Variants in GRID2 observed in about 807,000 individuals in gnomAD.
GRID2 encodes glutamate receptor ionotropic, delta-2.
Under a neutral mutation model 114.8 loss-of-function variants are expected in GRID2, and 33 were observed. The ratio of observed to expected loss-of-function variants is 0.29; its 90% CI spans 0.22 to 0.38. The LOEUF (loss-of-function observed/expected upper bound fraction) is 0.38, where lower values mean the gene tolerates loss of function less well. Among genes scored for constraint, GRID2 ranks in the 10% least tolerant of loss-of-function variants. The pLI is 1.00. For missense variants in GRID2, 1,184 were observed against 1,257.7 expected, an observed-to-expected ratio of 0.94 and a Z score of 0.89; for synonymous variants, 505 against 449.9, an observed-to-expected ratio of 1.12 and a Z score of -1.55.
rs184589583 is a variant in GRID2, at chr4:93,541,532, C to T, written c.2193+26121C>T. ...GTGAGAATAAGAATTCTCTCTCTAT[C>T]TTGGTTCCACTTAATTGTAAAAATC... On this transcript the variant is annotated intron_variant, in intron 13 of 15. Transcript: ENST00000282020. Among the ~76,000 whole-genome samples, 46 of 152,218 alleles carry T rather than the reference C, an allele frequency of 3.0e-4. No individual in the cohort carries two copies. In the East Asian group the frequency reaches 8.7e-3, roughly 29 times the overall value.
chr4:93,120,472 A>T (rs972280319), intron 4 of GRID2, among the ~76,000 whole-genome samples: 1 of 152,206 alleles, frequency 6.6e-6, no homozygotes, highest in Non-Finnish European at 1.5e-5. Context: ...AGAAACCATC[A>T]TTCTCAGCAA....
chr4:92,713,515 A>ATATATG (rs1735379540), intron 2 of GRID2, among the ~76,000 whole-genome samples: 2 of 130,052 alleles, frequency 1.5e-5, no homozygotes, highest in African/African-American at 5.9e-5. Flanking sequence ...ATATATATAT[A>ATATATG]TATTACCAAA....
chr4:92,518,665 C>A (rs1055492111), intron 1 of GRID2, among the ~76,000 whole-genome samples: 1 of 151,036 alleles, frequency 6.6e-6, no homozygotes, highest in Non-Finnish European at 1.5e-5. Context: ...TTGAACTGTA[C>A]ATTTAAAAGT....
intron 14 of GRID2, among the ~76,000 whole-genome samples, chr4:93,673,556 TC>T (rs757208720): frequency 1.3e-5 from 2 of 152,198 alleles, no homozygotes; most frequent in Non-Finnish European, 2.9e-5. Flanking sequence ...TCACTTTTTT[TC>T]ACAAGACATT....
rs1737191213 is a variant in GRID2, at chr4:93,156,428, A to G, written c.735+45475A>G. ...TAGATTGGAGGGGCATAATAGTAGGAACAAGGAACAATAATCCAGTTCAAA... is the reference window on the plus strand; with the variant it reads ...TAGATTGGAGGGGCATAATAGTAGGGACAAGGAACAATAATCCAGTTCAAA... On this transcript the variant is annotated intron_variant, in intron 4 of 15. Transcript: ENST00000282020. 2.0e-5 allele frequency among the ~76,000 whole-genome samples: 3 copies of G among 151,820 alleles called. No individual in the cohort carries two copies. In the South Asian group the frequency reaches 6.2e-4, roughly 31 times the overall value.
At chr4:92,917,519 T>C (rs1373174330) in intron 2 of GRID2, among the ~76,000 whole-genome samples, 4 of 152,188 alleles carry the variant, frequency 2.6e-5, no homozygotes, top group Admixed American at 2.6e-4. Context: ...CTTTAATCGA[T>C]CTTGAATTAA....
intron 2 of GRID2, among the ~76,000 whole-genome samples, chr4:92,816,798 C>T (rs189703104): frequency 1.2e-4 from 19 of 152,162 alleles, no homozygotes; most frequent in African/African-American, 4.3e-4. Context: ...AAAGATTAAA[C>T]TCATTAACAA....
Position 93,476,801 on chromosome 4 carries a change from CTT to C in GRID2, c.1859-13837_1859-13836del, listed in dbSNP as rs541964510. Among the ~76,000 whole-genome samples the C allele has an allele frequency of 6.4e-4, 97 of 152,156 alleles. No homozygotes were observed. The Middle Eastern group carries it at 0.02, about 32-fold the overall frequency. ...ACATATTCCTCCATTGTTTTTGAAA[CTT>C]ATATCAATGTTCTGAAGATATAGTC... On this transcript the variant is annotated intron_variant, in intron 11 of 15. Coordinates refer to ENST00000282020, the MANE Select transcript of GRID2 (RefSeq NM_001510.4).
chr4:93,616,579 T>A (rs892342169), intron 13 of GRID2, among the ~76,000 whole-genome samples: 8 of 106,094 alleles, frequency 7.5e-5, no homozygotes, highest in African/African-American at 3.0e-4. Flanking sequence ...TTTATTTTTA[T>A]AAATATTTAT....
rs183494797 is a variant in GRID2, at chr4:92,549,342, C to T, written c.89-40789C>T. Among the ~76,000 whole-genome samples the T allele has an allele frequency of 1.7e-3, 258 of 152,232 alleles. 1 individual carries two copies. The highest frequency in any genetic ancestry group is 6.1e-3 in the African/African-American group (253 of 41,566). ...TCTGAGATATGGTTACCCTCAGGGA[C>T]TATATACCACACCATGTCACCATGT... On this transcript the variant is annotated intron_variant, in intron 1 of 15. Transcript: ENST00000282020.
At chr4:93,099,473 G>A (rs1348759977) in intron 3 of GRID2, among the ~76,000 whole-genome samples, 1 of 151,604 alleles carries the variant, frequency 6.6e-6, no homozygotes, top group Non-Finnish European at 1.5e-5. Flanking sequence ...ACTGTAATTT[G>A]TTAAACTAAT....
chr4:92,510,136 T>G (rs922835566), intron 1 of GRID2, among the ~76,000 whole-genome samples: 2 of 151,736 alleles, frequency 1.3e-5, no homozygotes, highest in East Asian at 3.9e-4. Context: ...CAGTCCAAGG[T>G]GGTAATAGTG....
At chr4:92,446,995 G>A (rs534263651) in intron 1 of GRID2, among the ~76,000 whole-genome samples, 2 of 152,266 alleles carry the variant, frequency 1.3e-5, no homozygotes, top group East Asian at 3.9e-4. Flanking sequence ...TAGTCAGCAA[G>A]GGTTCAGAAA....
In GRID2 at chr4:92,994,488, A is replaced by T. The variant is rs72665230; in HGVS notation, c.245-90507A>T. Among the ~76,000 whole-genome samples, 928 of 151,588 alleles carry T rather than the reference A, an allele frequency of 6.1e-3. 8 individuals carry two copies. The highest frequency in any genetic ancestry group is 0.034 in the Middle Eastern group (10 of 292). The stretch of plus-strand genomic sequence containing the variant: ...CTACCTCAGCCTCCCAAGTAGGGGA[A>T]TTTTTTTGTATTTTTAGTAGTGATG... On this transcript the variant is annotated intron_variant, in intron 2 of 15. Coordinates refer to ENST00000282020, the MANE Select transcript of GRID2 (RefSeq NM_001510.4).
intron 13 of GRID2, among the ~76,000 whole-genome samples, chr4:93,560,455 A>G (rs953084236): frequency 2.0e-5 from 3 of 151,908 alleles, no homozygotes; most frequent in Non-Finnish European, 2.9e-5. Context: ...GGGAGCTGCC[A>G]CACACTTTTA....
intron 1 of GRID2, among the ~76,000 whole-genome samples, chr4:92,521,814 C>T (rs1392760408): frequency 6.6e-6 from 1 of 151,862 alleles, no homozygotes; most frequent in Non-Finnish European, 1.5e-5. Flanking sequence ...GCTTAGTCTC[C>T]TGGAAAGATA....
intron 2 of GRID2, among the ~76,000 whole-genome samples, chr4:92,915,261 T>G (rs555371850): frequency 6.6e-6 from 1 of 152,292 alleles, no homozygotes; most frequent in African/African-American, 2.4e-5. Flanking sequence ...CCTATTAGCC[T>G]TATTCTAATG....
At chr4:93,139,647 C>A (rs1024477291) in intron 4 of GRID2, among the ~76,000 whole-genome samples, 1 of 152,034 alleles carries the variant, frequency 6.6e-6, no homozygotes, top group Admixed American at 6.6e-5. Context: ...CCCCGGAAGA[C>A]TTTTCCCTTA....
At chr4:93,373,019 G>C (rs1190812687) in intron 8 of GRID2, among the ~76,000 whole-genome samples, 1 of 152,078 alleles carries the variant, frequency 6.6e-6, no homozygotes, top group Admixed American at 6.6e-5. Context: ...GGTGGATACA[G>C]GTGTTCACTT....
Sources: gnomAD v4.1 joint callset for allele counts (sites outside exome capture counted in the v4.1 genomes callset) on GRCh38, gnomAD v4.1.1 for gene constraint, MANE v1.5 for transcripts, NCBI Gene and HGNC (gene_info 2026-07-23, HGNC 2026-07-21) for gene names.